PPP1R13B: variants seen among roughly 807,000 people sequenced by gnomAD.
PPP1R13B encodes apoptosis-stimulating of p53 protein 1.
Under a neutral mutation model 119.8 loss-of-function variants are expected in PPP1R13B, and 44 were observed. The observed-to-expected ratio is 0.37, with a 90% CI of 0.29 to 0.47. The LOEUF (loss-of-function observed/expected upper bound fraction) is 0.47. Ranked by LOEUF, PPP1R13B falls within the 20% of genes least tolerant of loss-of-function variation. The pLI is 0.99. For missense variants in PPP1R13B, 1,227 were observed against 1,413.5 expected, an observed-to-expected ratio of 0.87 and a Z score of 2.12; for synonymous variants, 542 against 561.5, an observed-to-expected ratio of 0.97 and a Z score of 0.49.
chr14:103,772,375 G>A (rs2085092352), intron 4 of PPP1R13B, among the ~76,000 whole-genome samples: 1 of 152,176 alleles, frequency 6.6e-6, no homozygotes, highest in Admixed American at 6.5e-5. Context: ...GAGTTGTTGG[G>A]TCATACAGTA....
chr14:103,755,434 TAG>T (rs2084653841), intron 5 of PPP1R13B, among the ~76,000 whole-genome samples: 1 of 152,238 alleles, frequency 6.6e-6, no homozygotes, highest in African/African-American at 2.4e-5. Flanking sequence ...GGAAACATTT[TAG>T]AGTCAAACAA....
At chr14:103,771,470 C>T (rs1343629383) in intron 4 of PPP1R13B, among the ~76,000 whole-genome samples, 1 of 144,078 alleles carries the variant, frequency 6.9e-6, no homozygotes, top group Non-Finnish European at 1.5e-5. Context: ...TAAGAACTAA[C>T]ACTTCTTTTT....
rs1295564308 is a variant in PPP1R13B at position 103,741,905 on chromosome 14, T to C, written c.1707A>G (p.Lys569=). The C allele has an allele frequency of 6.2e-7, 1 of 1,614,240 alleles. No individual in the cohort carries two copies. Among genetic ancestry groups the C allele is most frequent in the Admixed American group, 1.7e-5 (1 of 60,026 alleles). The change falls in exon 11 of 17, where the codon AAA becomes AAG. Residue 569 remains lysine, a synonymous_variant. Coordinates refer to ENST00000202556, the MANE Select transcript of PPP1R13B (RefSeq NM_015316.3). ...DKGSRPQSPR[K]GPQTVNSSSI... ...AACTTGAATTCACTGTCTGGGGTCC[T>C]TTCCTGGGAGACTGTGGCCTTGACC...
chr14:103,794,807 C>T (rs563229607), intron 2 of PPP1R13B: 9 of 285,832 alleles, frequency 3.1e-5, no homozygotes, highest in Non-Finnish European at 6.3e-5. Context: ...GGCCATTTTA[C>T]TTACTAATCT....
At chr14:103,787,433 G>A (rs2085495612) in intron 2 of PPP1R13B, among the ~76,000 whole-genome samples, 1 of 151,648 alleles carries the variant, frequency 6.6e-6, no homozygotes, top group Non-Finnish European at 1.5e-5. Context: ...CTCCAGCCTG[G>A]GTGACAGAGT....
At chr14:103,741,371 C>T (rs1015091398) in intron 11 of PPP1R13B, among the ~76,000 whole-genome samples, 7 of 152,212 alleles carry the variant, frequency 4.6e-5, no homozygotes, top group Non-Finnish European at 8.8e-5. Flanking sequence ...ACGCAGCAGA[C>T]GCCCTCCTTA....
rs562134793 is a variant in PPP1R13B at position 103,801,798 on chromosome 14, A to C, written c.10-4280T>G. Among the ~76,000 whole-genome samples the C allele has an allele frequency of 2.6e-5, 4 of 152,302 alleles. No homozygotes were observed. In the South Asian group the frequency reaches 8.3e-4, roughly 32 times the overall value. On this transcript the variant is annotated intron_variant, in intron 1 of 16. Coordinates refer to ENST00000202556, the MANE Select transcript of PPP1R13B (RefSeq NM_015316.3). Reference sequence around the variant, plus strand: ...AAATATAGAACCCCCACCATGCCCTAAGTTGAGAAAAAATATATACACACA... The same window carrying C: ...AAATATAGAACCCCCACCATGCCCTCAGTTGAGAAAAAATATATACACACA...
At chr14:103,751,081 G>C (rs1018135365) in intron 7 of PPP1R13B, among the ~76,000 whole-genome samples, 2 of 152,126 alleles carry the variant, frequency 1.3e-5, no homozygotes, top group Non-Finnish European at 2.9e-5. Context: ...TTGAACCCTG[G>C]AGGCAGAGGT....
In PPP1R13B at chr14:103,742,332, G is replaced by A. The variant is rs1292984191; in HGVS notation, c.1321-41C>T. On this transcript the variant is annotated intron_variant, in intron 10 of 16. Transcript: ENST00000202556. This position sits in a 1 kb window ranked among gnomAD's most constrained non-coding sequence, Gnocchi z 4.9. ...AAGAAGAAAAACAAAGTCACCCTTT[G>A]AACAGTTAAGAATATTTCCACCCAC... 6.6e-7 allele frequency: 1 copy of A among 1,506,108 alleles called. No individual in the cohort carries two copies. Among genetic ancestry groups the A allele is most frequent in the South Asian group, 1.3e-5 (1 of 75,944 alleles). 93.3% of individuals were successfully genotyped at this position (1,506,108 alleles called of 1,614,324 possible).
chr14:103,830,123 C>A (rs2086635847), intron 1 of PPP1R13B, among the ~76,000 whole-genome samples: 1 of 150,764 alleles, frequency 6.6e-6, no homozygotes, highest in Admixed American at 6.6e-5. Flanking sequence ...GAAATGAAAT[C>A]TCACTCTTGT....
At chr14:103,823,702 A>G (rs1367340702) in intron 1 of PPP1R13B, among the ~76,000 whole-genome samples, 1 of 152,112 alleles carries the variant, frequency 6.6e-6, no homozygotes, top group Non-Finnish European at 1.5e-5. Flanking sequence ...AATAGCACCC[A>G]CTTATTGACA....
chr14:103,735,025 G>T lies in PPP1R13B; in HGVS notation c.*129C>A. ...CTGGAAACTGTAGGATTCACATTGT[G>T]GACGCTGTCTGCTAAAGTGAGCACC... is the stretch of plus-strand genomic sequence containing the variant. On this transcript the variant is annotated 3_prime_UTR_variant, in exon 17 of 17. Transcript: ENST00000202556. 9.9e-7 allele frequency: 1 copy of T among 1,013,048 alleles called. No homozygotes were observed. The highest frequency in any genetic ancestry group is 1.5e-6 in the Non-Finnish European group (1 of 652,108). 62.8% of individuals were successfully genotyped at this position (1,013,048 alleles called of 1,614,324 possible). A position where few individuals can be genotyped will look rare whatever the true frequency, so the allele number is the denominator to read the frequency against.
intron 6 of PPP1R13B, 85 bp from the exon 7 acceptor site, chr14:103,753,281 T>A: frequency 7.5e-7 from 1 of 1,337,750 alleles, no homozygotes; most frequent in Non-Finnish European, 1.0e-6. Flanking sequence ...TTAATTCTAG[T>A]ATCATTTAGT....
intron 4 of PPP1R13B, among the ~76,000 whole-genome samples, chr14:103,776,089 C>T (rs943685844): frequency 1.4e-4 from 20 of 147,992 alleles, no homozygotes; most frequent in African/African-American, 5.0e-4. Flanking sequence ...TAACAATATA[C>T]AAATATTGTC....
chr14:103,785,016 A>AGACATACATGTG, intron 2 of PPP1R13B, 102 bp from the exon 3 acceptor site: 10 of 996,502 alleles, frequency 1.0e-5, no homozygotes, highest in South Asian at 2.9e-5. Context: ...GCACACATGT[A>AGACATACATGTG]TGTCTACATG....
At chr14:103,839,308 A>C (rs1308031190) in intron 1 of PPP1R13B, among the ~76,000 whole-genome samples, 1 of 151,904 alleles carries the variant, frequency 6.6e-6, no homozygotes, top group Non-Finnish European at 1.5e-5. Flanking sequence ...CACAGCACCC[A>C]GCCCACTGTG....
chr14:103,816,569 C>A (rs74823709), intron 1 of PPP1R13B, among the ~76,000 whole-genome samples: 2 of 151,384 alleles, frequency 1.3e-5, no homozygotes, highest in African/African-American at 4.8e-5. Flanking sequence ...TGCCTGTAAT[C>A]CCAGTACTTG....
intron 8 of PPP1R13B, among the ~76,000 whole-genome samples, 175 bp downstream of exon 8, chr14:103,749,619 A>C (rs753053616): frequency 6.6e-6 from 1 of 152,232 alleles, no homozygotes; most frequent in Non-Finnish European, 1.5e-5. Context: ...ACACACCAGG[A>C]AATAAATGAG....
At position 103,753,105 on chromosome 14, in the gene PPP1R13B, T is replaced by C; in HGVS notation, c.723A>G (p.Gln241=). 8.1e-6 allele frequency: 13 copies of C among 1,614,058 alleles called. No homozygotes were observed. Among genetic ancestry groups the C allele is most frequent in the Non-Finnish European group, 1.0e-5 (12 of 1,180,038 alleles). The change falls in exon 7 of 17, where the codon CAA becomes CAG. Residue 241 remains glutamine, a synonymous_variant. Transcript: ENST00000202556. ...AILRVDQLSQ[Q]LEDLKKGKLN... ...GTTTTCCTTTCTTTAAATCTTCCAATTGCTGACTAAGCTGATCAACCCTTA... is the reference window on the plus strand; with the variant it reads ...GTTTTCCTTTCTTTAAATCTTCCAACTGCTGACTAAGCTGATCAACCCTTA...
Sources: gnomAD v4.1 joint callset for allele counts (sites outside exome capture counted in the v4.1 genomes callset) on GRCh38, gnomAD v4.1.1 for gene constraint, Gnocchi (gnomAD v3.1) non-coding constraint, MANE v1.5 for transcripts, NCBI Gene and HGNC (gene_info 2026-07-23, HGNC 2026-07-21) for gene names.